NRDE2: variants seen among roughly 807,000 people sequenced by gnomAD.
NRDE2 encodes nuclear exosome regulator NRDE2.
Under a neutral mutation model 124.2 loss-of-function variants are expected in NRDE2, and 76 were observed. The observed-to-expected ratio is 0.61, with a 90% confidence interval of 0.51 to 0.74. NRDE2 has a LOEUF of 0.74. Ranked by LOEUF, NRDE2 falls within the 30% of genes least tolerant of loss-of-function variation. NRDE2 has a pLI of 0.00. For missense variants in NRDE2, 1,314 were observed against 1,417.3 expected (o/e 0.93, Z 1.17); for synonymous variants, 489 against 528.1 (o/e 0.93, Z 1.01).
intron 1 of NRDE2, among the ~76,000 whole-genome samples, chr14:90,326,113 C>T (rs1885421645): frequency 6.6e-6 from 1 of 152,240 alleles, no homozygotes; most frequent in Admixed American, 6.5e-5. Flanking sequence ...GAGTTCTGTG[C>T]ACTAGTAAAA....
Position 90,316,831 on chromosome 14 carries a change from T to G in NRDE2, c.174-20A>C. 6.8e-7 allele frequency: 1 copy of G among 1,475,390 alleles called. No homozygotes were observed. Among genetic ancestry groups the G allele is most frequent in the Non-Finnish European group, 9.3e-7 (1 of 1,078,014 alleles). 91.4% of individuals were successfully genotyped at this position (1,475,390 alleles called of 1,614,324 possible). On this transcript the variant is annotated intron_variant, in intron 2 of 13. Coordinates refer to ENST00000354366, the MANE Select transcript of NRDE2 (RefSeq NM_017970.4). ...TGACTCCTGTTTGGGAAAATCAACT[T>G]TAAAATTACTTTCTAAAAAGATGTA...
intron 9 of NRDE2, 28 bp downstream of exon 9, chr14:90,292,669 C>T (rs1445420518): frequency 2.5e-6 from 4 of 1,600,694 alleles, no homozygotes; most frequent in Middle Eastern, 1.7e-4. Context: ...CCCTGGACAG[C>T]TTCCTGCCTG....
intron 9 of NRDE2, among the ~76,000 whole-genome samples, chr14:90,292,135 G>C (rs1182340327): frequency 6.6e-6 from 1 of 152,198 alleles, no homozygotes; most frequent in African/African-American, 2.4e-5. Context: ...AGATAACACA[G>C]ATGAACTGCC....
chr14:90,331,925 TTC>T lies in NRDE2; in HGVS notation c.-23_-22del. The T allele has an allele frequency of 6.2e-7, 1 of 1,613,918 alleles. No individual in the cohort carries two copies. The highest frequency in any genetic ancestry group is 8.5e-7 in the Non-Finnish European group (1 of 1,179,994). ...GCCATGACCACAGGCCGTACCTCCG[TTC>T]TTCTCTATAGGGATGGCGCCGGCGA... On this transcript the variant is annotated 5_prime_UTR_variant, in exon 1 of 14. Transcript: ENST00000354366.
chr14:90,283,712 T>G (rs1892017882), intron 12 of NRDE2, among the ~76,000 whole-genome samples: 1 of 147,818 alleles, frequency 6.8e-6, no homozygotes, highest in Non-Finnish European at 1.5e-5. Flanking sequence ...GCAGGTTTTT[T>G]GTTTTTTTTT....
chr14:90,283,860 T>C (rs952427974), intron 12 of NRDE2, among the ~76,000 whole-genome samples: 2 of 151,952 alleles, frequency 1.3e-5, no homozygotes, highest in Non-Finnish European at 2.9e-5. Context: ...TACAGGCACC[T>C]GCTACCACGC....
intron 7 of NRDE2, among the ~76,000 whole-genome samples, chr14:90,299,685 G>A (rs79701680): frequency 0.11 from 17,365 of 152,188 alleles, 1,372 homozygotes; most frequent in Middle Eastern, 0.19. Flanking sequence ...GGAGAGTCAC[G>A]TCAGGGCAGG....
intron 12 of NRDE2, chr14:90,281,706 CTTTT>C (rs550356580): frequency 6.6e-6 from 1 of 152,208 alleles, no homozygotes. Context: ...TTTTGATTCT[CTTTT>C]TTTATCTCCT....
chr14:90,282,477 C>CAAA (rs112128427), intron 12 of NRDE2, among the ~76,000 whole-genome samples: 7 of 135,288 alleles, frequency 5.2e-5, no homozygotes, highest in African/African-American at 1.9e-4. Context: ...GACCCTATCT[C>CAAA]AAAAAAAAAA....
chr14:90,319,664 C>A lies in NRDE2; in HGVS notation c.65-1551G>T, dbSNP rs141926156. Among the ~76,000 whole-genome samples, 164 of 152,292 alleles carry A rather than the reference C, an allele frequency of 1.1e-3. 2 individuals carry two copies. Among genetic ancestry groups the A allele is most frequent in the African/African-American group, 3.8e-3 (157 of 41,568 alleles). On this transcript the variant is annotated intron_variant, in intron 1 of 13. Coordinates refer to ENST00000354366, the MANE Select transcript of NRDE2 (RefSeq NM_017970.4). ...ATCCATGCTGTAGTGTGTATCACTA[C>A]CTCATTCGTTTTTATTGTCAAATAT...
In NRDE2 at chr14:90,274,277, GGA is replaced by G; in HGVS notation, c.*4057_*4058del. The G allele has an allele frequency of 6.4e-6, 1 of 155,748 alleles. No homozygotes were observed. Among genetic ancestry groups the G allele is most frequent in the East Asian group, 1.9e-4 (1 of 5,188 alleles). 9.6% of individuals were successfully genotyped at this position (155,748 alleles called of 1,614,324 possible). A position where few individuals can be genotyped will look rare whatever the true frequency, so the allele number is the denominator to read the frequency against. ...GCAGGGCTGGGGTGGTCCGATAGGG[GGA>G]GTCAGTGTGGGCAGCCTGATGTGCA... On this transcript the variant is annotated 3_prime_UTR_variant, in exon 14 of 14. Transcript: ENST00000354366.
intron 1 of NRDE2, among the ~76,000 whole-genome samples, chr14:90,319,103 G>A (rs1371919499): frequency 1.3e-5 from 2 of 151,950 alleles, no homozygotes; most frequent in Non-Finnish European, 2.9e-5. Context: ...TACAGTGAAC[G>A]ATTTCTAAAT....
chr14:90,304,063 A>T lies in NRDE2; in HGVS notation c.877T>A (p.Ser293Thr). Residue 293 changes from serine (S) to threonine (T), a missense_variant, in exon 5 of 14, where the codon TCA becomes ACA. Ser to Thr is a moderately conservative substitution (Grantham distance 58). Transcript: ENST00000354366. Reference protein sequence around the residue: ...LQGQGPPEQESKQPDAQPDSE... With the variant: ...LQGQGPPEQETKQPDAQPDSE... ...TCTGGCTGTGCGTCTGGCTGCTTTGATTCCTGCTCTGGAGGACCCTGTCCT... is the reference window on the plus strand; with the variant it reads ...TCTGGCTGTGCGTCTGGCTGCTTTGTTTCCTGCTCTGGAGGACCCTGTCCT... 1 of 1,614,132 alleles carries T rather than the reference A, an allele frequency of 6.2e-7. No individual in the cohort carries two copies. The highest frequency in any genetic ancestry group is 1.1e-5 in the South Asian group (1 of 91,078).
chr14:90,311,480 T>C (rs763120126), intron 4 of NRDE2, among the ~76,000 whole-genome samples: 1 of 152,160 alleles, frequency 6.6e-6, no homozygotes, highest in Non-Finnish European at 1.5e-5. Flanking sequence ...GATCTGATGG[T>C]TTTATAAAGG....
rs1340953634 is a variant in NRDE2 at position 90,302,739 on chromosome 14, G to T, written c.1392C>A (p.Gly464=). 1 of 1,610,236 alleles carries T rather than the reference G, an allele frequency of 6.2e-7. No individual in the cohort carries two copies. The highest frequency in any genetic ancestry group is 1.1e-5 in the South Asian group (1 of 90,686). ...GSILSHPALP[G]TEEAMFALFL... ...CCTTACCAAACATGGCCTCTTCCGT[G>T]CCAGGCAACGCAGGGTGAGATAAGA... The change falls in exon 6 of 14, where the codon GGC becomes GGA. Residue 464 remains glycine, a synonymous_variant. Coordinates refer to ENST00000354366, the MANE Select transcript of NRDE2 (RefSeq NM_017970.4).
At chr14:90,327,047 C>T (rs866414135) in intron 1 of NRDE2, among the ~76,000 whole-genome samples, 3 of 152,296 alleles carry the variant, frequency 2.0e-5, no homozygotes, top group South Asian at 4.1e-4. Context: ...CTGGTTCCAT[C>T]CACTGAAAAA....
intron 4 of NRDE2, among the ~76,000 whole-genome samples, chr14:90,305,161 A>G (rs1884552822): frequency 6.6e-6 from 1 of 152,218 alleles, no homozygotes; most frequent in Non-Finnish European, 1.5e-5. Flanking sequence ...CACATAAAAA[A>G]AAAAACAACT....
At chr14:90,327,644 C>T (rs1270346467) in intron 1 of NRDE2, among the ~76,000 whole-genome samples, 1 of 152,090 alleles carries the variant, frequency 6.6e-6, no homozygotes, top group South Asian at 2.1e-4. Context: ...AACTTCACAC[C>T]TCACTGGTCA....
intron 1 of NRDE2, among the ~76,000 whole-genome samples, chr14:90,319,623 A>G (rs901112706): frequency 2.6e-5 from 4 of 152,198 alleles, no homozygotes; most frequent in Non-Finnish European, 5.9e-5. Flanking sequence ...AACTTACCAC[A>G]ATGTTTTCAA....
Sources: allele counts gnomAD v4.1 joint callset (sites outside exome capture counted in the v4.1 genomes callset), GRCh38; gene constraint gnomAD v4.1.1; transcripts MANE v1.5; gene names NCBI Gene and HGNC (gene_info 2026-07-23, HGNC 2026-07-21).